Variants in CDH1 observed in about 807,000 individuals in gnomAD.
The protein encoded by CDH1 is cadherin-1.
In CDH1, 35 loss-of-function variants were observed where a neutral mutation model predicts 84.5. The ratio of observed to expected loss-of-function variants is 0.41; its 90% CI spans 0.32 to 0.55. The LOEUF (loss-of-function observed/expected upper bound fraction) is 0.55. CDH1 is among the 20% of genes least tolerant of loss of function. The pLI is 0.19. For synonymous variants in CDH1, 417 were observed against 439.0 expected, an observed-to-expected ratio of 0.95 and a Z score of 0.63; for missense variants, 994 against 1,126.6, an observed-to-expected ratio of 0.88 and a Z score of 1.68.
chr16:68,815,455 T>A, intron 9 of CDH1, 60 bp from the exon 10 acceptor site: 1 of 1,609,342 alleles, frequency 6.2e-7, no homozygotes, highest in Non-Finnish European at 8.5e-7. Flanking sequence ...GATTTAATTT[T>A]ATTTTTACTA....
chr16:68,740,067 A>C (rs1044059601), intron 2 of CDH1, among the ~76,000 whole-genome samples: 1 of 152,122 alleles, frequency 6.6e-6, no homozygotes, highest in Non-Finnish European at 1.5e-5. Flanking sequence ...GGAAGGGGCT[A>C]GTTTCTCTTC....
chr16:68,763,812 A>G (rs1322388662), intron 2 of CDH1, among the ~76,000 whole-genome samples: 1 of 152,208 alleles, frequency 6.6e-6, no homozygotes, highest in African/African-American at 2.4e-5. Flanking sequence ...AAAACTAACT[A>G]CAAGTGCAGA....
chr16:68,789,019 T>TG (rs1960141094), intron 2 of CDH1, among the ~76,000 whole-genome samples: 1 of 151,510 alleles, frequency 6.6e-6, no homozygotes, highest in African/African-American at 2.4e-5. Context: ...AATGAATGAA[T>TG]AAATAAAAGA....
chr16:68,805,619 A>G (rs551956413), intron 3 of CDH1, among the ~76,000 whole-genome samples: 1 of 152,192 alleles, frequency 6.6e-6, no homozygotes, highest in Non-Finnish European at 1.5e-5. Context: ...TTTGAGATGC[A>G]GTTTCACTCT....
chr16:68,819,322 T>A lies in CDH1; in HGVS notation c.1608T>A (p.Asn536Lys). 6.2e-7 allele frequency: 1 copy of A among 1,614,188 alleles called. No homozygotes were observed. Among genetic ancestry groups the A allele is most frequent in the Non-Finnish European group, 8.5e-7 (1 of 1,180,024 alleles). The change falls in exon 11 of 16, where the codon AAT becomes AAA. Residue 536 changes from asparagine (N) to lysine (K), a missense_variant. Coordinates refer to ENST00000261769, the MANE Select transcript of CDH1 (RefSeq NM_004360.5). ...WRDTANWLEI[N>K]PDTGAISTRA... Reference sequence around the variant, plus strand: ...ACACTGCCAACTGGCTGGAGATTAATCCGGACACTGGTGCCATTTCCACTC... The same window carrying A: ...ACACTGCCAACTGGCTGGAGATTAAACCGGACACTGGTGCCATTTCCACTC...
intron 2 of CDH1, among the ~76,000 whole-genome samples, chr16:68,795,913 C>T (rs1336884017): frequency 8.6e-5 from 13 of 151,788 alleles, no homozygotes; most frequent in Admixed American, 8.5e-4. Context: ...CCTGTAATCC[C>T]AGCACTTTGG....
chr16:68,780,343 C>T (rs1216405215), intron 2 of CDH1, among the ~76,000 whole-genome samples: 3 of 152,014 alleles, frequency 2.0e-5, no homozygotes, highest in Admixed American at 1.3e-4. Flanking sequence ...CCTTTGTCAC[C>T]CAGGTTGGAG....
intron 2 of CDH1, among the ~76,000 whole-genome samples, chr16:68,740,081 T>G (rs1364712715): frequency 6.6e-6 from 1 of 151,968 alleles, no homozygotes; most frequent in African/African-American, 2.4e-5. Flanking sequence ...TCTCTTCTGG[T>G]TTCACTGAAT....
intron 2 of CDH1, among the ~76,000 whole-genome samples, chr16:68,783,144 C>T (rs905023603): frequency 6.6e-6 from 1 of 151,908 alleles, no homozygotes; most frequent in African/African-American, 2.4e-5. Flanking sequence ...CTCCTGTAAT[C>T]CTGGCACTTT....
intron 10 of CDH1, among the ~76,000 whole-genome samples, chr16:68,817,846 G>A (rs1054384288): frequency 3.3e-5 from 5 of 152,132 alleles, no homozygotes; most frequent in Non-Finnish European, 7.3e-5. Context: ...ATCCAGAAGG[G>A]TGCAAGGTTG....
rs190074774 is a variant in CDH1 at position 68,786,439 on chromosome 16, G to A, written c.164-15231G>A. Among the ~76,000 whole-genome samples the A allele has an allele frequency of 2.4e-4, 37 of 151,550 alleles. No homozygotes were observed. In the East Asian group the frequency reaches 4.9e-3, roughly 20 times the overall value. On this transcript the variant is annotated intron_variant, in intron 2 of 15. Transcript: ENST00000261769. The stretch of plus-strand genomic sequence containing the variant: ...CACATGCCTTGGCCTCCCAAAGTGC[G>A]GGGATTACAGGGTTGAGCCTGCACC...
chr16:68,774,996 C>T (rs1281784925), intron 2 of CDH1, among the ~76,000 whole-genome samples: 1 of 151,922 alleles, frequency 6.6e-6, no homozygotes, highest in Non-Finnish European at 1.5e-5. Context: ...CATGGTGGTG[C>T]GCACCTGTGG....
chr16:68,834,259 C>G lies in CDH1; in HGVS notation c.*760C>G. Reference sequence around the variant, plus strand: ...ATGAGCCACTGCACCTGCCCAGCTCCCCAACTCCCTGCCATTTTTTAAGAG... The same window carrying G: ...ATGAGCCACTGCACCTGCCCAGCTCGCCAACTCCCTGCCATTTTTTAAGAG... On this transcript the variant is annotated 3_prime_UTR_variant, in exon 16 of 16. Coordinates refer to ENST00000261769, the MANE Select transcript of CDH1 (RefSeq NM_004360.5). 2.0e-6 allele frequency: 1 copy of G among 511,008 alleles called. No individual in the cohort carries two copies. The highest frequency in any genetic ancestry group is 3.8e-6 in the Non-Finnish European group (1 of 260,454). 31.7% of individuals were successfully genotyped at this position (511,008 alleles called of 1,614,324 possible).
At chr16:68,776,134 G>C (rs1001573387) in intron 2 of CDH1, among the ~76,000 whole-genome samples, 1 of 152,028 alleles carries the variant, frequency 6.6e-6, no homozygotes, top group Non-Finnish European at 1.5e-5. Context: ...CTGTAGGCAC[G>C]CACCACCATG....
chr16:68,785,860 C>A (rs1361678033), intron 2 of CDH1, among the ~76,000 whole-genome samples: 1 of 152,104 alleles, frequency 6.6e-6, no homozygotes, highest in African/African-American at 2.4e-5. Flanking sequence ...ACAAACAATG[C>A]CTTAGTGAAT....
intron 13 of CDH1, among the ~76,000 whole-genome samples, chr16:68,825,456 G>A (rs1961295286): frequency 6.6e-6 from 1 of 152,154 alleles, no homozygotes; most frequent in Admixed American, 6.5e-5. Flanking sequence ...ATTGAGCATG[G>A]GTGCCATTGA....
intron 2 of CDH1, among the ~76,000 whole-genome samples, chr16:68,751,348 C>T (rs1211556868): frequency 2.0e-5 from 3 of 152,142 alleles, no homozygotes; most frequent in Non-Finnish European, 4.4e-5. Flanking sequence ...TTAGAACACA[C>T]TACACACTCT....
At chr16:68,829,872 AAG>A (rs1474694357) in intron 15 of CDH1, 75 bp downstream of exon 15, 3 of 1,456,188 alleles carry the variant, frequency 2.1e-6, no homozygotes, top group African/African-American at 2.8e-5. Context: ...AAATGAGAAA[AAG>A]AGTCTTTAGA....
At chr16:68,770,588 T>A (rs1959543142) in intron 2 of CDH1, among the ~76,000 whole-genome samples, 1 of 151,772 alleles carries the variant, frequency 6.6e-6, no homozygotes, top group African/African-American at 2.4e-5. Context: ...TGTAAAGCAG[T>A]GAAACGGGGT....
Sources: gnomAD v4.1 joint callset for allele counts (sites outside exome capture counted in the v4.1 genomes callset) on GRCh38, gnomAD v4.1.1 for gene constraint, MANE v1.5 for transcripts, NCBI Gene and HGNC (gene_info 2026-07-23, HGNC 2026-07-21) for gene names.